SEMA5A: variants seen among roughly 807,000 people sequenced by gnomAD.
The protein encoded by SEMA5A is semaphorin-5A.
SEMA5A carries 55 observed loss-of-function variants against 135.5 expected under a neutral mutation model. The ratio of observed to expected loss-of-function variants is 0.41; its 90% confidence interval spans 0.33 to 0.51. The LOEUF is 0.51. Among genes scored for constraint, SEMA5A ranks in the 20% least tolerant of loss-of-function variants. The probability of loss-of-function intolerance (pLI) is 0.37; values close to 1 mark genes in which losing one functional copy is unlikely to be tolerated. For synonymous variants in SEMA5A, 580 were observed against 546.5 expected (o/e 1.06, Z -0.85); for missense variants, 1,290 against 1,419.9 (o/e 0.91, Z 1.47).
chr5:9,333,432 T>C (rs1753247615), intron 4 of SEMA5A, among the ~76,000 whole-genome samples: 1 of 152,240 alleles, frequency 6.6e-6, no homozygotes, highest in Non-Finnish European at 1.5e-5. Context: ...ACAGAATACA[T>C]ATCAGAGTAA....
chr5:9,271,829 G>A (rs1228031572), intron 5 of SEMA5A, among the ~76,000 whole-genome samples: 1 of 152,116 alleles, frequency 6.6e-6, no homozygotes, highest in Non-Finnish European at 1.5e-5. Flanking sequence ...ATGCACTCCG[G>A]CCCAGATACT....
At chr5:9,270,537 G>A (rs1307866797) in intron 5 of SEMA5A, among the ~76,000 whole-genome samples, 1 of 152,078 alleles carries the variant, frequency 6.6e-6, no homozygotes, top group East Asian at 1.9e-4. Context: ...GCCAGAAAAG[G>A]AAGTATGAAA....
At chr5:9,304,757 A>G (rs1290420490) in intron 5 of SEMA5A, among the ~76,000 whole-genome samples, 3 of 152,174 alleles carry the variant, frequency 2.0e-5, no homozygotes, top group African/African-American at 7.2e-5. Flanking sequence ...GTATTGATTT[A>G]TGATGATTCT....
chr5:9,487,644 C>A (rs1459542942), intron 1 of SEMA5A, among the ~76,000 whole-genome samples: 1 of 152,140 alleles, frequency 6.6e-6, no homozygotes, highest in Non-Finnish European at 1.5e-5. Context: ...TAAGTGTGAT[C>A]TCTAACACAG....
At chr5:9,497,624 T>C (rs1242043332) in intron 1 of SEMA5A, among the ~76,000 whole-genome samples, 1 of 152,196 alleles carries the variant, frequency 6.6e-6, no homozygotes, top group Non-Finnish European at 1.5e-5. Context: ...TCCCAGATGG[T>C]GACAGTTAAT....
chr5:9,053,954 A>C, intron 19 of SEMA5A, 133 bp downstream of exon 19: 1 of 928,828 alleles, frequency 1.1e-6, no homozygotes, highest in South Asian at 1.7e-5. Flanking sequence ...TTCAAGGGTA[A>C]TAGCATGTTG....
chr5:9,041,075 C>CAA lies in SEMA5A; in HGVS notation c.*1820_*1821dup, dbSNP rs1735941278. The CAA allele has an allele frequency of 1.3e-5, 2 of 152,172 alleles. No individual in the cohort carries two copies. The highest frequency in any genetic ancestry group is 1.3e-4 in the Admixed American group (2 of 15,274). The allele number at this position is 152,172 out of a possible 1,614,324, so 9.4% of individuals were successfully genotyped here. A position where few individuals can be genotyped will look rare whatever the true frequency, so the allele number is the denominator to read the frequency against. ...GAGAGGCAACATGAAGTCCCCACTG[C>CAA]AAAGACCCTGAATGTCATTAATCCA... On this transcript the variant is annotated 3_prime_UTR_variant, in exon 23 of 23. Coordinates refer to ENST00000382496, the MANE Select transcript of SEMA5A (RefSeq NM_003966.3).
chr5:9,476,725 T>C (rs575165760), intron 1 of SEMA5A, among the ~76,000 whole-genome samples: 1 of 152,318 alleles, frequency 6.6e-6, no homozygotes, highest in African/African-American at 2.4e-5. Flanking sequence ...TTTTCCATCA[T>C]CTTTACCACA....
At chr5:9,402,835 CTCTGTTCT>C (rs1413813459) in intron 2 of SEMA5A, among the ~76,000 whole-genome samples, 1 of 152,154 alleles carries the variant, frequency 6.6e-6, no homozygotes, top group Non-Finnish European at 1.5e-5. Flanking sequence ...TCATTCCTGG[CTCTGTTCT>C]CCTTTTTCTC....
At chr5:9,366,144 G>A (rs902841620) in intron 3 of SEMA5A, among the ~76,000 whole-genome samples, 7 of 152,144 alleles carry the variant, frequency 4.6e-5, no homozygotes, top group Non-Finnish European at 7.4e-5. Flanking sequence ...CTTAAAACAT[G>A]TATGTTAATA....
chr5:9,323,122 C>A (rs1408316664), intron 4 of SEMA5A, among the ~76,000 whole-genome samples: 1 of 152,092 alleles, frequency 6.6e-6, no homozygotes, highest in Admixed American at 6.6e-5. Context: ...CTGCCCATAC[C>A]TAATTCTAAG....
intron 2 of SEMA5A, among the ~76,000 whole-genome samples, chr5:9,403,966 G>C (rs536978640): frequency 2.0e-5 from 3 of 152,088 alleles, no homozygotes; most frequent in African/African-American, 7.2e-5. Context: ...ATGAAGTCTC[G>C]CTCTGTTGCC....
intron 15 of SEMA5A, among the ~76,000 whole-genome samples, chr5:9,111,473 T>A (rs1311004068): frequency 6.6e-6 from 1 of 152,222 alleles, no homozygotes; most frequent in Non-Finnish European, 1.5e-5. Flanking sequence ...GCTCAGCATG[T>A]TATTATTGTA....
intron 2 of SEMA5A, among the ~76,000 whole-genome samples, chr5:9,418,705 T>C (rs1197092136): frequency 3.3e-5 from 5 of 152,198 alleles, no homozygotes; most frequent in African/African-American, 9.6e-5. Flanking sequence ...TATGTATTTA[T>C]ACCCCGGAGA....
intron 18 of SEMA5A, among the ~76,000 whole-genome samples, chr5:9,056,460 A>G (rs187810221): frequency 8.9e-4 from 135 of 152,320 alleles, no homozygotes; most frequent in Middle Eastern, 3.4e-3. Flanking sequence ...GGTGGCTCAC[A>G]CCTGTAATCC....
At chr5:9,405,416 G>A (rs1756837595) in intron 2 of SEMA5A, among the ~76,000 whole-genome samples, 1 of 152,110 alleles carries the variant, frequency 6.6e-6, no homozygotes, top group Non-Finnish European at 1.5e-5. Context: ...AAAGCCCCAG[G>A]ACAACATTTC....
chr5:9,199,753 A>G (rs147426561), intron 9 of SEMA5A, among the ~76,000 whole-genome samples: 1 of 152,364 alleles, frequency 6.6e-6, no homozygotes, highest in African/African-American at 2.4e-5. Flanking sequence ...TATCTACACT[A>G]TAAACAACTA....
chr5:9,511,063 A>G (rs919388367), intron 1 of SEMA5A, among the ~76,000 whole-genome samples: 31 of 151,994 alleles, frequency 2.0e-4, no homozygotes, highest in African/African-American at 7.5e-4. Context: ...TGTACCAGAA[A>G]TTTTCTGAAT....
At chr5:9,170,349 T>C (rs1292525237) in intron 11 of SEMA5A, among the ~76,000 whole-genome samples, 1 of 152,218 alleles carries the variant, frequency 6.6e-6, no homozygotes, top group Non-Finnish European at 1.5e-5. Context: ...ATGTCACTAG[T>C]ACTTTGTGCC....
Sources: gnomAD v4.1 joint callset for allele counts (sites outside exome capture counted in the v4.1 genomes callset) on GRCh38, gnomAD v4.1.1 for gene constraint, MANE v1.5 for transcripts, NCBI Gene and HGNC (gene_info 2026-07-23, HGNC 2026-07-21) for gene names.